RABGAP1: variants seen among roughly 807,000 people sequenced by gnomAD.
RABGAP1 encodes the protein RAB GTPase activating protein 1, also known as rab GTPase-activating protein 1.
RABGAP1 carries 23 observed loss-of-function variants against 137.6 expected under a neutral mutation model. The observed-to-expected ratio is 0.17, with a 90% confidence interval of 0.12 to 0.24. RABGAP1 has a LOEUF of 0.24. RABGAP1 is among the 10% of genes least tolerant of loss of function. RABGAP1 has a pLI of 1.00. For missense variants in RABGAP1, 906 were observed against 1,275.8 expected, an observed-to-expected ratio of 0.71 and a Z score of 4.42; for synonymous variants, 451 against 450.7, an observed-to-expected ratio of 1.00 and a Z score of -0.01.
intron 14 of RABGAP1, 121 bp downstream of exon 14, chr9:123,065,582 A>C (rs772836262): frequency 7.8e-6 from 6 of 773,218 alleles, no homozygotes; most frequent in Non-Finnish European, 1.3e-5. Flanking sequence ...AAAAAGAGAA[A>C]AGACATTGCA....
intron 13 of RABGAP1, among the ~76,000 whole-genome samples, chr9:123,027,972 C>G (rs539821865): frequency 6.6e-6 from 1 of 152,300 alleles, no homozygotes; most frequent in South Asian, 2.1e-4. Context: ...TATATCTTAT[C>G]CCTGTGAAGT....
chr9:122,996,533 T>C lies in RABGAP1; in HGVS notation c.1035-6T>C, dbSNP rs1189483393. On this transcript the variant is annotated splice_region_variant and splice_polypyrimidine_tract_variant and intron_variant, in intron 7 of 25. Transcript: ENST00000373647. ...TCTTAAATTTATGTCAGTTCTTTTT[T>C]TGTAGGTGTTTTGGTCTTCTCCTTA... 3 of 1,598,906 alleles carry C rather than the reference T, an allele frequency of 1.9e-6. No homozygotes were observed. The highest frequency in any genetic ancestry group is 3.5e-5 in the Admixed American group (2 of 57,122).
intron 13 of RABGAP1, among the ~76,000 whole-genome samples, chr9:123,026,420 A>G (rs1354598165): frequency 3.9e-5 from 6 of 152,168 alleles, no homozygotes; most frequent in African/African-American, 1.4e-4. Context: ...TTTCAGGACT[A>G]TTACTGATTT....
At chr9:123,051,853 G>A (rs1171514300) in intron 13 of RABGAP1, among the ~76,000 whole-genome samples, 4 of 151,132 alleles carry the variant, frequency 2.6e-5, no homozygotes, top group Non-Finnish European at 4.4e-5. Context: ...GTGCAGTGGC[G>A]CAGTCTTGGC....
chr9:123,088,722 T>G (rs1477848965), intron 19 of RABGAP1, among the ~76,000 whole-genome samples: 1 of 152,168 alleles, frequency 6.6e-6, no homozygotes, highest in Non-Finnish European at 1.5e-5. Context: ...TGAAGGTATG[T>G]TGCCCTTGGT....
At chr9:123,024,901 ATATAT>A (rs1468873828) in intron 13 of RABGAP1, among the ~76,000 whole-genome samples, 1 of 152,212 alleles carries the variant, frequency 6.6e-6, no homozygotes, top group African/African-American at 2.4e-5. Flanking sequence ...TGCATTATAA[ATATAT>A]TTTTTAATGA....
intron 1 of RABGAP1, among the ~76,000 whole-genome samples, chr9:122,956,375 A>G (rs191958297): frequency 2.6e-5 from 4 of 151,702 alleles, no homozygotes; most frequent in African/African-American, 7.2e-5. Context: ...AGTGCTTTCC[A>G]TTTCATTTAC....
intron 13 of RABGAP1, among the ~76,000 whole-genome samples, chr9:123,064,962 A>C (rs1164973769): frequency 6.6e-6 from 1 of 152,224 alleles, no homozygotes; most frequent in Non-Finnish European, 1.5e-5. Flanking sequence ...CATCAATTAA[A>C]GCAGCAGTTT....
chr9:122,962,245 A>C (rs1210839981), intron 2 of RABGAP1, among the ~76,000 whole-genome samples: 1 of 152,096 alleles, frequency 6.6e-6, no homozygotes, highest in African/African-American at 2.4e-5. Context: ...TTAAAAAAAA[A>C]AATGGGTAAT....
chr9:123,046,411 A>G (rs915445276), intron 13 of RABGAP1, among the ~76,000 whole-genome samples: 2 of 152,188 alleles, frequency 1.3e-5, no homozygotes, highest in African/African-American at 4.8e-5. Context: ...GGGGCTGTTT[A>G]TATACTTAAG....
Position 123,026,334 on chromosome 9 carries a change from G to C in RABGAP1, c.1794+5875G>C, listed in dbSNP as rs192876621. Among the ~76,000 whole-genome samples the C allele has an allele frequency of 1.9e-3, 289 of 152,090 alleles. 3 individuals are homozygous for C. The highest frequency in any genetic ancestry group is 1.1e-3 in the Non-Finnish European group (78 of 67,974). On this transcript the variant is annotated intron_variant, in intron 13 of 25. Transcript: ENST00000373647. ...GTGAGACTTAAAATAATAATAAATT[G>C]TGTTTAATTTAAGTGGTTTCCTTCT...
At chr9:123,050,921 A>G (rs2033425847) in intron 13 of RABGAP1, among the ~76,000 whole-genome samples, 1 of 152,202 alleles carries the variant, frequency 6.6e-6, no homozygotes, top group South Asian at 2.1e-4. Flanking sequence ...CATGAAATAC[A>G]AAGTTTCAAT....
intron 13 of RABGAP1, among the ~76,000 whole-genome samples, chr9:123,050,314 A>C (rs183270721): frequency 8.9e-4 from 136 of 152,340 alleles, no homozygotes; most frequent in African/African-American, 2.9e-3. Flanking sequence ...TTGAATTGTT[A>C]TTGTTAATCA....
At chr9:122,950,082 G>A (rs1834148240) in intron 1 of RABGAP1, among the ~76,000 whole-genome samples, 1 of 152,150 alleles carries the variant, frequency 6.6e-6, no homozygotes. Flanking sequence ...TCAGTCAGGA[G>A]CAATAAATAG....
At chr9:122,998,004 G>A (rs886867873) in intron 9 of RABGAP1, among the ~76,000 whole-genome samples, 3 of 152,176 alleles carry the variant, frequency 2.0e-5, no homozygotes, top group Non-Finnish European at 4.4e-5. Context: ...AGAAGTTTCA[G>A]TGTTGATGAG....
intron 21 of RABGAP1, among the ~76,000 whole-genome samples, chr9:123,097,164 T>G (rs1191290558): frequency 1.3e-5 from 2 of 152,126 alleles, no homozygotes; most frequent in Non-Finnish European, 2.9e-5. Flanking sequence ...AACTCACAGA[T>G]ACGCCCACTA....
intron 13 of RABGAP1, among the ~76,000 whole-genome samples, chr9:123,028,863 A>G (rs987039995): frequency 6.6e-6 from 1 of 152,206 alleles, no homozygotes; most frequent in African/African-American, 2.4e-5. Flanking sequence ...TATCTGTAAA[A>G]TGGAATAATA....
chr9:123,088,804 G>T (rs12005838), intron 19 of RABGAP1, among the ~76,000 whole-genome samples: 10,126 of 152,294 alleles, frequency 0.066, 398 homozygotes, highest in African/African-American at 0.083. Flanking sequence ...TAGAAGGAAA[G>T]CCAAGAGAAT....
chr9:122,935,462 C>T, the RABGAP1 span, among the ~76,000 whole-genome samples: 4 of 152,024 alleles, frequency 2.6e-5, no homozygotes, highest in Non-Finnish European at 4.4e-5. Context: ...CTCAGCCTCC[C>T]GAGTAGCTGG....
Sources: gnomAD v4.1 joint callset for allele counts (sites outside exome capture counted in the v4.1 genomes callset) on GRCh38, gnomAD v4.1.1 for gene constraint, MANE v1.5 for transcripts, NCBI Gene and HGNC (gene_info 2026-07-23, HGNC 2026-07-21) for gene names.